The following OTUD7B variants were observed in gnomAD, a reference collection of about 807,000 sequenced individuals.
OTUD7B encodes the protein OTU deubiquitinase 7B.
Under a neutral mutation model 82.2 loss-of-function variants are expected in OTUD7B, and 34 were observed. The observed-to-expected ratio is 0.41, with a 90% CI of 0.31 to 0.55. The LOEUF (loss-of-function observed/expected upper bound fraction) is 0.55. Among genes scored for constraint, OTUD7B ranks in the 20% least tolerant of loss-of-function variants. The pLI is 0.20. For missense variants in OTUD7B, 944 were observed against 1,062.1 expected, an observed-to-expected ratio of 0.89 and a Z score of 1.55; for synonymous variants, 398 against 402.7, an observed-to-expected ratio of 0.99 and a Z score of 0.14.
In OTUD7B at chr1:149,950,229, G is replaced by T. The variant is rs782316098; in HGVS notation, c.846-8C>A. 1 of 1,613,634 alleles carries T rather than the reference G, an allele frequency of 6.2e-7. No individual in the cohort carries two copies. The highest frequency in any genetic ancestry group is 1.1e-5 in the South Asian group (1 of 91,056). On this transcript the variant is annotated splice_polypyrimidine_tract_variant and splice_region_variant and intron_variant, in intron 7 of 11. Coordinates refer to ENST00000581312, the MANE Select transcript of OTUD7B (RefSeq NM_020205.4). ...TCCTCAGAACTCTCCACCCTGGAACGACGGGAAGGGAGAGAGTGAAAAGGG... is the reference window on the plus strand; with the variant it reads ...TCCTCAGAACTCTCCACCCTGGAACTACGGGAAGGGAGAGAGTGAAAAGGG...
chr1:150,041,943 G>A, the OTUD7B span, among the ~76,000 whole-genome samples: 14 of 152,096 alleles, frequency 9.2e-5, no homozygotes, highest in South Asian at 2.9e-3. Flanking sequence ...TCTTTTGAAT[G>A]CCACTTTCTG....
At chr1:150,035,852 A>G in the OTUD7B span, among the ~76,000 whole-genome samples, 6 of 152,120 alleles carry the variant, frequency 3.9e-5, no homozygotes, top group Admixed American at 3.9e-4. Context: ...TTTTAATGAC[A>G]TCACAACTGC....
the OTUD7B span, among the ~76,000 whole-genome samples, chr1:150,031,695 C>T: frequency 6.6e-6 from 1 of 152,200 alleles, no homozygotes; most frequent in East Asian, 1.9e-4. Flanking sequence ...AATCCCAGCT[C>T]TACCACCTTC....
At chr1:150,039,087 TA>T in the OTUD7B span, among the ~76,000 whole-genome samples, 1 of 152,172 alleles carries the variant, frequency 6.6e-6, no homozygotes, top group South Asian at 2.1e-4. Flanking sequence ...TTGCCATTAC[TA>T]AACTATCTTA....
chr1:150,062,708 C>CT, the OTUD7B span, among the ~76,000 whole-genome samples: 75,408 of 96,348 alleles, frequency 0.78, 29,616 homozygotes, highest in East Asian at 0.92. Flanking sequence ...CTTCTTCTTT[C>CT]TTTTTTTTTT....
the OTUD7B span, among the ~76,000 whole-genome samples, chr1:150,027,232 G>T: frequency 6.6e-6 from 1 of 152,044 alleles, no homozygotes; most frequent in Non-Finnish European, 1.5e-5. Flanking sequence ...TAACTTCAAG[G>T]TCCTCATCTT....
At position 149,954,584 on chromosome 1, in the gene OTUD7B, C is replaced by T. The variant is rs1321120016; in HGVS notation, c.846-4363G>A. 2.0e-5 allele frequency among the ~76,000 whole-genome samples: 3 copies of T among 152,260 alleles called. No homozygotes were observed. In the East Asian group the frequency reaches 5.8e-4, roughly 29 times the overall value. ...CATAAAATGAGTTAGGGAGGATTCC[C>T]TCTTTTTCTATTGATTGGAATAGTT... On this transcript the variant is annotated intron_variant, in intron 7 of 11. Coordinates refer to ENST00000581312, the MANE Select transcript of OTUD7B (RefSeq NM_020205.4).
At chr1:149,951,441 C>T (rs1225869408) in intron 7 of OTUD7B, among the ~76,000 whole-genome samples, 7 of 152,152 alleles carry the variant, frequency 4.6e-5, no homozygotes, top group African/African-American at 1.7e-4. Context: ...CCGGGCTTAT[C>T]TTTAGTCTAC....
intron 7 of OTUD7B, among the ~76,000 whole-genome samples, chr1:149,958,911 AT>A (rs782098386): frequency 6.8e-6 from 1 of 147,042 alleles, no homozygotes; most frequent in Non-Finnish European, 1.5e-5. Context: ...TGCCTGGCTA[AT>A]TTTTTTTTTT....
intron 7 of OTUD7B, among the ~76,000 whole-genome samples, chr1:149,955,321 G>A (rs1648587904): frequency 6.6e-6 from 1 of 152,180 alleles, no homozygotes; most frequent in Non-Finnish European, 1.5e-5. Flanking sequence ...TTCAGCAGCA[G>A]GTTGTTCAGT....
chr1:149,967,267 A>T (rs1553776762), intron 4 of OTUD7B, 27 bp downstream of exon 4: 2 of 1,498,766 alleles, frequency 1.3e-6, no homozygotes, highest in South Asian at 1.1e-5. Flanking sequence ...TAGAGGGAAG[A>T]GTGTGGGAGA....
At chr1:149,958,172 A>G (rs1648851472) in intron 7 of OTUD7B, among the ~76,000 whole-genome samples, 1 of 152,088 alleles carries the variant, frequency 6.6e-6, no homozygotes, top group Admixed American at 6.5e-5. Flanking sequence ...CACTTGGTCA[A>G]TCTTGTTTTA....
At chr1:149,995,835 T>C (rs940099335) in intron 1 of OTUD7B, among the ~76,000 whole-genome samples, 1 of 152,154 alleles carries the variant, frequency 6.6e-6, no homozygotes, top group Non-Finnish European at 1.5e-5. Context: ...AAACAAGTCC[T>C]CTCTTAGATA....
the OTUD7B span, among the ~76,000 whole-genome samples, chr1:150,023,751 T>C: frequency 6.6e-6 from 1 of 152,222 alleles, no homozygotes; most frequent in South Asian, 2.1e-4. Context: ...TAAGGTTTTA[T>C]ATATTTCAAA....
chr1:149,997,902 G>A (rs1370476222), intron 1 of OTUD7B, among the ~76,000 whole-genome samples: 3 of 152,044 alleles, frequency 2.0e-5, no homozygotes, highest in Non-Finnish European at 2.9e-5. Flanking sequence ...AAGAACGGAC[G>A]ATACACACCA....
the OTUD7B span, among the ~76,000 whole-genome samples, chr1:150,061,765 C>G: frequency 1.3e-5 from 2 of 152,164 alleles, no homozygotes; most frequent in Admixed American, 6.5e-5. Flanking sequence ...TGACTAACCC[C>G]GAGTCTGGGA....
the OTUD7B span, among the ~76,000 whole-genome samples, chr1:150,060,376 T>G: frequency 1.4e-5 from 2 of 142,032 alleles, no homozygotes; most frequent in Non-Finnish European, 3.0e-5. Flanking sequence ...GAGAAGAGAT[T>G]AGGAGATTAG....
chr1:149,964,194 C>T, intron 6 of OTUD7B, 28 bp downstream of exon 6: 1 of 1,606,646 alleles, frequency 6.2e-7, no homozygotes. Context: ...CTTTAGGAAA[C>T]AAGGCGCTCC....
intron 1 of OTUD7B, among the ~76,000 whole-genome samples, chr1:149,979,100 G>T (rs182100694): frequency 6.6e-6 from 1 of 151,546 alleles, no homozygotes; most frequent in African/African-American, 2.4e-5. Flanking sequence ...ATCCATGAGC[G>T]CAGGGACACG....
Sources: allele counts gnomAD v4.1 joint callset (sites outside exome capture counted in the v4.1 genomes callset), GRCh38; gene constraint gnomAD v4.1.1; transcripts MANE v1.5; gene names NCBI Gene and HGNC (gene_info 2026-07-23, HGNC 2026-07-21).